The following CTIF variants were observed in gnomAD, a reference collection of about 807,000 sequenced individuals.
CTIF encodes CBP80/20-dependent translation initiation factor.
A neutral mutation model predicts 66.0 loss-of-function variants in CTIF; 21 were observed. That is an observed-to-expected ratio of 0.32 (90% CI 0.23 to 0.46). CTIF has a LOEUF of 0.46. Ranked by LOEUF, CTIF falls within the 20% of genes least tolerant of loss-of-function variation. The probability of loss-of-function intolerance (pLI) is 1.00; values close to 1 mark genes in which losing one functional copy is unlikely to be tolerated. For synonymous variants in CTIF, 345 were observed against 326.4 expected, an observed-to-expected ratio of 1.06 and a Z score of -0.62; for missense variants, 739 against 812.7, an observed-to-expected ratio of 0.91 and a Z score of 1.10.
intron 9 of CTIF, among the ~76,000 whole-genome samples, chr18:48,792,051 A>G (rs2067804471): frequency 6.6e-6 from 1 of 152,236 alleles, no homozygotes; most frequent in African/African-American, 2.4e-5. Flanking sequence ...AGGGGATGAT[A>G]AGCATCAAAG....
chr18:48,737,006 A>G (rs2145714701), intron 7 of CTIF, among the ~76,000 whole-genome samples: 1 of 152,172 alleles, frequency 6.6e-6, no homozygotes, highest in South Asian at 2.1e-4. Flanking sequence ...TCCTGCTCAC[A>G]GTCCTGTCTC....
chr18:48,775,037 C>G (rs1008415780), intron 9 of CTIF, among the ~76,000 whole-genome samples: 1 of 152,170 alleles, frequency 6.6e-6, no homozygotes, highest in African/African-American at 2.4e-5. Context: ...CTGGAATCAG[C>G]CTTCCCTGCC....
At chr18:48,588,096 C>T (rs901732707) in intron 1 of CTIF, among the ~76,000 whole-genome samples, 5 of 152,254 alleles carry the variant, frequency 3.3e-5, no homozygotes, top group South Asian at 2.1e-4. Flanking sequence ...ACTGAGCAAC[C>T]CTTCGAGGAC....
intron 10 of CTIF, among the ~76,000 whole-genome samples, chr18:48,841,986 T>A (rs1368124642): frequency 6.6e-6 from 1 of 152,164 alleles, no homozygotes; most frequent in Non-Finnish European, 1.5e-5. Flanking sequence ...TGGAGGAGGC[T>A]TTGCCTCCGG....
At chr18:48,639,674 T>C (rs1016625678) in intron 3 of CTIF, among the ~76,000 whole-genome samples, 1 of 152,212 alleles carries the variant, frequency 6.6e-6, no homozygotes, top group Non-Finnish European at 1.5e-5. Flanking sequence ...CAGGGTGGCA[T>C]AAACAAGAGG....
At chr18:48,546,191 G>A (rs1384567246) in intron 1 of CTIF, among the ~76,000 whole-genome samples, 1 of 152,146 alleles carries the variant, frequency 6.6e-6, no homozygotes, top group Non-Finnish European at 1.5e-5. Flanking sequence ...TAAATAGAGT[G>A]TTGCAGATCC....
intron 1 of CTIF, among the ~76,000 whole-genome samples, chr18:48,596,977 C>T (rs2089998168): frequency 6.6e-6 from 1 of 152,172 alleles, no homozygotes; most frequent in African/African-American, 2.4e-5. Context: ...GGCTCCTCAA[C>T]CTGAAGGTGT....
chr18:48,772,524 G>GCAATAACTCCCCTACAGCAATC (rs1910266630), intron 9 of CTIF, among the ~76,000 whole-genome samples: 1 of 107,336 alleles, frequency 9.3e-6, no homozygotes, highest in African/African-American at 3.6e-5. Flanking sequence ...CTACAGCAAT[G>GCAATAACTCCCCTACAGCAATC]CCTCCCCTCC....
At chr18:48,681,689 T>G (rs1163882447) in intron 6 of CTIF, among the ~76,000 whole-genome samples, 3 of 152,172 alleles carry the variant, frequency 2.0e-5, no homozygotes, top group Non-Finnish European at 2.9e-5. Context: ...GGTGACTGAT[T>G]GCCAAGCCCC....
chr18:48,730,709 T>TCCTGCTGTGTGAGGGGC (rs1491418549), intron 7 of CTIF, among the ~76,000 whole-genome samples: 4 of 31,144 alleles, frequency 1.3e-4, no homozygotes, highest in Non-Finnish European at 1.6e-4. Flanking sequence ...TGTGAGGGGC[T>TCCTGCTGTGTGAGGGGC]TCCGCGGTGT....
intron 3 of CTIF, among the ~76,000 whole-genome samples, chr18:48,647,034 TA>T (rs2091051421): frequency 6.6e-6 from 1 of 152,216 alleles, no homozygotes; most frequent in Non-Finnish European, 1.5e-5. Context: ...CAACTGTTTG[TA>T]GCAGCTTTGT....
intron 1 of CTIF, among the ~76,000 whole-genome samples, chr18:48,540,637 G>A (rs753890876): frequency 6.6e-6 from 1 of 152,006 alleles, no homozygotes; most frequent in Non-Finnish European, 1.5e-5. Flanking sequence ...TAGAGGGGAG[G>A]GCTGACTGGC....
chr18:48,642,450 G>A (rs540951285), intron 3 of CTIF, among the ~76,000 whole-genome samples: 109 of 152,302 alleles, frequency 7.2e-4, no homozygotes, highest in African/African-American at 2.5e-3. Flanking sequence ...TGTTAGCAAA[G>A]GTTGAGTAGG....
At chr18:48,671,382 T>G (rs999762108) in intron 6 of CTIF, among the ~76,000 whole-genome samples, 3 of 152,140 alleles carry the variant, frequency 2.0e-5, no homozygotes, top group Admixed American at 6.6e-5. Context: ...CAGTGGACCT[T>G]CCACAGTGAC....
At chr18:48,812,586 C>T (rs2068280280) in intron 9 of CTIF, among the ~76,000 whole-genome samples, 1 of 151,820 alleles carries the variant, frequency 6.6e-6, no homozygotes, top group East Asian at 1.9e-4. Context: ...GACCTTGTCT[C>T]TACAAAAAAA....
chr18:48,557,034 A>G (rs1417075348), intron 1 of CTIF, among the ~76,000 whole-genome samples: 1 of 152,096 alleles, frequency 6.6e-6, no homozygotes, highest in Non-Finnish European at 1.5e-5. Flanking sequence ...TCTGGAAAGG[A>G]TGGCTGTTCT....
chr18:48,642,497 C>G (rs1434298491), intron 3 of CTIF, among the ~76,000 whole-genome samples: 1 of 152,142 alleles, frequency 6.6e-6, no homozygotes, highest in Non-Finnish European at 1.5e-5. Context: ...AGTTAGGAGG[C>G]AGCACAGCTA....
At chr18:48,641,436 C>G (rs745567669) in intron 3 of CTIF, among the ~76,000 whole-genome samples, 2 of 152,156 alleles carry the variant, frequency 1.3e-5, no homozygotes, top group South Asian at 2.1e-4. Context: ...CTGATGAGCA[C>G]GACTGCCTAT....
At position 48,781,673 on chromosome 18, in the gene CTIF, C is replaced by T. The variant is rs991110487; in HGVS notation, c.1371+19984C>T. On this transcript the variant is annotated intron_variant, in intron 9 of 11. Transcript: ENST00000256413. The stretch of plus-strand genomic sequence containing the variant: ...GACACGTGGCCCTCCCCTCTCCTCC[C>T]CTTGTCTTGTGTTAGTCTCCCCTCC... 3.3e-5 allele frequency among the ~76,000 whole-genome samples: 5 copies of T among 152,190 alleles called. No homozygotes were observed. The East Asian group carries it at 9.7e-4, about 29-fold the overall frequency.
Sources: gnomAD v4.1 joint callset for allele counts (sites outside exome capture counted in the v4.1 genomes callset) on GRCh38, gnomAD v4.1.1 for gene constraint, MANE v1.5 for transcripts, NCBI Gene and HGNC (gene_info 2026-07-23, HGNC 2026-07-21) for gene names.